CREB5: variants seen among roughly 807,000 people sequenced by gnomAD.
CREB5 encodes cAMP responsive element binding protein 5, also known as cyclic AMP-responsive element-binding protein 5.
CREB5 carries 19 observed loss-of-function variants against 57.1 expected under a neutral mutation model. That is an observed-to-expected ratio of 0.33 (90% CI 0.23 to 0.49). The LOEUF (loss-of-function observed/expected upper bound fraction) is 0.49. CREB5 is among the 20% of genes least tolerant of loss of function. The pLI, the probability that CREB5 is intolerant of heterozygous loss-of-function variation, is 0.99. For missense variants in CREB5, 579 were observed against 671.6 expected, an observed-to-expected ratio of 0.86 and a Z score of 1.52; for synonymous variants, 238 against 238.3, an observed-to-expected ratio of 1.00 and a Z score of 0.01.
At chr7:28,677,684 T>G (rs551113567) in intron 5 of CREB5, among the ~76,000 whole-genome samples, 58 of 152,318 alleles carry the variant, frequency 3.8e-4, no homozygotes, top group Middle Eastern at 3.4e-3. Context: ...CCAGCTTAAA[T>G]GCATGCTTTC....
intron 3 of CREB5, among the ~76,000 whole-genome samples, chr7:28,504,809 ATTTC>A (rs1792413910): frequency 6.6e-6 from 1 of 152,064 alleles, no homozygotes; most frequent in South Asian, 2.1e-4. Flanking sequence ...ATCCTTGGGG[ATTTC>A]TTTGACAAGA....
At chr7:28,428,318 G>T (rs1186088274) in intron 1 of CREB5, among the ~76,000 whole-genome samples, 1 of 152,166 alleles carries the variant, frequency 6.6e-6, no homozygotes, top group Non-Finnish European at 1.5e-5. Flanking sequence ...CAGGTAGGAA[G>T]CTATTGGATA....
chr7:28,369,611 C>G (rs964908386), intron 1 of CREB5, among the ~76,000 whole-genome samples: 3 of 152,190 alleles, frequency 2.0e-5, no homozygotes, highest in Admixed American at 1.3e-4. Context: ...GTGGTAGATG[C>G]TGTTATCACC....
At chr7:28,383,720 T>C (rs1371747054) in intron 1 of CREB5, among the ~76,000 whole-genome samples, 1 of 151,976 alleles carries the variant, frequency 6.6e-6, no homozygotes, top group African/African-American at 2.4e-5. Flanking sequence ...CCCAATCGCC[T>C]CCCACCAGGC....
At chr7:28,314,864 C>A (rs1785346567) in intron 1 of CREB5, among the ~76,000 whole-genome samples, 1 of 152,186 alleles carries the variant, frequency 6.6e-6, no homozygotes, top group African/African-American at 2.4e-5. Context: ...GCAACTGCTG[C>A]CAATGGGCAC....
chr7:28,780,654 G>A (rs969463001), intron 7 of CREB5, among the ~76,000 whole-genome samples: 1 of 152,120 alleles, frequency 6.6e-6, no homozygotes, highest in Non-Finnish European at 1.5e-5. Flanking sequence ...CCTGGGAGGT[G>A]GAGATTGCAG....
chr7:28,697,089 C>T (rs149959375), intron 5 of CREB5, among the ~76,000 whole-genome samples: 72 of 152,058 alleles, frequency 4.7e-4, no homozygotes, highest in Non-Finnish European at 8.7e-4. Flanking sequence ...TATACACACA[C>T]ACAATTTTTA....
intron 5 of CREB5, among the ~76,000 whole-genome samples, chr7:28,641,990 G>A (rs1350416329): frequency 1.3e-5 from 2 of 152,208 alleles, no homozygotes; most frequent in Admixed American, 1.3e-4. Context: ...ATGTCACAAT[G>A]CGAAGCAAGT....
Position 28,586,497 on chromosome 7 carries a change from G to A in CREB5, c.464+15960G>A, listed in dbSNP as rs1796312614. ...GGACAGCCCCCTTCCCTCTCCAGCT[G>A]AAGTCTGACCTCGGGCTCTTTGCAT... On this transcript the variant is annotated intron_variant, in intron 5 of 10. Coordinates refer to ENST00000357727, the MANE Select transcript of CREB5 (RefSeq NM_182898.4). Among the ~76,000 whole-genome samples the A allele has an allele frequency of 2.6e-5, 4 of 152,210 alleles. No individual in the cohort carries two copies. The South Asian group carries it at 8.3e-4, about 31-fold the overall frequency.
At chr7:28,631,899 C>T (rs938238047) in intron 5 of CREB5, among the ~76,000 whole-genome samples, 2 of 152,106 alleles carry the variant, frequency 1.3e-5, no homozygotes, top group African/African-American at 4.8e-5. Flanking sequence ...GAGGAGGCAC[C>T]TGCCAACAGA....
rs542821344 is a variant in CREB5 at position 28,576,860 on chromosome 7, G to A, written c.464+6323G>A. Among the ~76,000 whole-genome samples the A allele has an allele frequency of 2.6e-5, 4 of 152,290 alleles. No individual in the cohort carries two copies. In the South Asian group the frequency reaches 8.3e-4, roughly 32 times the overall value. ...GAAGCTTCCATGTAAGTGTCTCAGT[G>A]TGCATTTCCTCCCTCCTATTTTTGG... is the stretch of plus-strand genomic sequence containing the variant. On this transcript the variant is annotated intron_variant, in intron 5 of 10. Coordinates refer to ENST00000357727, the MANE Select transcript of CREB5 (RefSeq NM_182898.4).
chr7:28,781,252 C>G (rs929945489), intron 7 of CREB5, among the ~76,000 whole-genome samples: 1 of 152,126 alleles, frequency 6.6e-6, no homozygotes, highest in Admixed American at 6.6e-5. Context: ...ATTCCCATTC[C>G]CTATGGAAAA....
chr7:28,688,120 G>C (rs1801045690), intron 5 of CREB5, among the ~76,000 whole-genome samples: 1 of 152,194 alleles, frequency 6.6e-6, no homozygotes, highest in Non-Finnish European at 1.5e-5. Context: ...GGATGGACAG[G>C]AGTATATCTT....
chr7:28,613,102 A>G (rs1441004207), intron 5 of CREB5, among the ~76,000 whole-genome samples: 2 of 152,218 alleles, frequency 1.3e-5, no homozygotes, highest in Non-Finnish European at 2.9e-5. Context: ...TACTGGGACT[A>G]CAGAGGAAAG....
chr7:28,464,146 T>C (rs1450264998), intron 1 of CREB5, among the ~76,000 whole-genome samples: 1 of 152,210 alleles, frequency 6.6e-6, no homozygotes, highest in Non-Finnish European at 1.5e-5. Context: ...GGTTTTCAGA[T>C]ACTAAGCCAA....
intron 4 of CREB5, among the ~76,000 whole-genome samples, chr7:28,515,801 C>A (rs1048854516): frequency 9.9e-5 from 15 of 152,034 alleles, no homozygotes; most frequent in African/African-American, 3.4e-4. Context: ...TGACCTTTAA[C>A]ATAACTTTAA....
At chr7:28,404,329 C>T (rs1787534109) in intron 1 of CREB5, among the ~76,000 whole-genome samples, 1 of 151,996 alleles carries the variant, frequency 6.6e-6, no homozygotes, top group African/African-American at 2.4e-5. Context: ...GTTTTTTTTG[C>T]ATCCCAAGAA....
intron 5 of CREB5, among the ~76,000 whole-genome samples, chr7:28,708,958 T>G (rs1802266688): frequency 6.6e-6 from 1 of 152,246 alleles, no homozygotes. Context: ...ATCAGAGGGC[T>G]ACTTATTTGT....
chr7:28,602,152 G>T (rs1472732661), intron 5 of CREB5, among the ~76,000 whole-genome samples: 1 of 151,852 alleles, frequency 6.6e-6, no homozygotes, highest in East Asian at 1.9e-4. Context: ...TTTTTGAAAT[G>T]GTCTCACTCT....
Sources: allele counts gnomAD v4.1 joint callset (sites outside exome capture counted in the v4.1 genomes callset), GRCh38; gene constraint gnomAD v4.1.1; transcripts MANE v1.5; gene names NCBI Gene and HGNC (gene_info 2026-07-23, HGNC 2026-07-21).